The following SEMA3D variants were observed in gnomAD, a reference collection of about 807,000 sequenced individuals.
The protein encoded by SEMA3D is semaphorin-3D.
In SEMA3D, 84 loss-of-function variants were observed where a neutral mutation model predicts 100.1. The ratio of observed to expected loss-of-function variants is 0.84; its 90% CI spans 0.70 to 1.01. The LOEUF is 1.01. Among genes scored for constraint, SEMA3D ranks in the 50% least tolerant of loss-of-function variants. The probability of loss-of-function intolerance (pLI) is 0.00; values close to 1 mark genes in which losing one functional copy is unlikely to be tolerated. For missense variants in SEMA3D, 875 were observed against 934.1 expected (o/e 0.94, Z 0.82); for synonymous variants, 312 against 320.7 (o/e 0.97, Z 0.29).
intron 1 of SEMA3D, among the ~76,000 whole-genome samples, chr7:85,174,391 G>A (rs1005518150): frequency 6.6e-6 from 1 of 152,024 alleles, no homozygotes; most frequent in Non-Finnish European, 1.5e-5. Flanking sequence ...GGCTTCAAGA[G>A]CAATATAAAT....
At chr7:85,208,473 T>C in the SEMA3D span, among the ~76,000 whole-genome samples, 1 of 152,172 alleles carries the variant, frequency 6.6e-6, no homozygotes, top group South Asian at 2.1e-4. Context: ...TTAAATACTT[T>C]AATTTTTTTC....
intron 1 of SEMA3D, among the ~76,000 whole-genome samples, chr7:85,155,500 CTT>C (rs1042456589): frequency 6.6e-6 from 1 of 152,006 alleles, no homozygotes; most frequent in African/African-American, 2.4e-5. Context: ...CATACTGAAA[CTT>C]AATGTATTTC....
the SEMA3D span, among the ~76,000 whole-genome samples, chr7:85,229,223 A>C: frequency 6.6e-6 from 1 of 152,072 alleles, no homozygotes; most frequent in African/African-American, 2.4e-5. Context: ...TCAGAAGATA[A>C]ACAACTTCAA....
In SEMA3D at chr7:85,015,110, T is replaced by G. The variant is rs762070865; in HGVS notation, c.1652A>C (p.Tyr551Ser). ...GCATGCATTTCCATCCCAGGCACAG[T>G]AGGGGTCTCTGGCAAGACAACAGTC... The part of the protein sequence containing the change: ...CADCCLARDP[Y>S]CAWDGNACSR... The change falls in exon 16 of 19, where the codon TAC becomes TCC. Residue 551 changes from tyrosine (Y) to serine (S), a missense_variant. By Grantham distance (144) the Tyr-to-Ser change is moderately radical (BLOSUM62 -2). Coordinates refer to ENST00000284136, the MANE Select transcript of SEMA3D (RefSeq NM_001384900.1). 6.2e-7 allele frequency: 1 copy of G among 1,611,790 alleles called. No homozygotes were observed. Among genetic ancestry groups the G allele is most frequent in the Admixed American group, 1.7e-5 (1 of 59,810 alleles).
intron 4 of SEMA3D, among the ~76,000 whole-genome samples, chr7:85,087,563 TTTTAA>T (rs1583909930): frequency 1.3e-5 from 2 of 152,136 alleles, no homozygotes; most frequent in African/African-American, 4.8e-5. Context: ...TGCAAATTGG[TTTTAA>T]TTTGAGTGCT....
At chr7:85,093,342 T>C (rs1463938864) in intron 4 of SEMA3D, among the ~76,000 whole-genome samples, 2 of 151,976 alleles carry the variant, frequency 1.3e-5, no homozygotes, top group East Asian at 3.9e-4. Flanking sequence ...AGAGAGGGTT[T>C]TGCAAAGTTT....
chr7:85,208,312 CAG>C, the SEMA3D span, among the ~76,000 whole-genome samples: 2 of 151,714 alleles, frequency 1.3e-5, no homozygotes, highest in Non-Finnish European at 2.9e-5. Context: ...CAGCAACAAA[CAG>C]ATATAATATT....
chr7:85,026,749 G>A (rs750520806), intron 12 of SEMA3D, among the ~76,000 whole-genome samples: 1 of 151,962 alleles, frequency 6.6e-6, no homozygotes, highest in African/African-American at 2.4e-5. Flanking sequence ...AATGTATGAG[G>A]TTAAGAAATA....
At chr7:85,009,408 A>G (rs1038058276) in intron 17 of SEMA3D, among the ~76,000 whole-genome samples, 1 of 151,718 alleles carries the variant, frequency 6.6e-6, no homozygotes, top group Non-Finnish European at 1.5e-5. Context: ...ATCTTTGCCC[A>G]TTATTCAAGA....
intron 4 of SEMA3D, among the ~76,000 whole-genome samples, chr7:85,082,914 G>A (rs1388956628): frequency 1.3e-5 from 2 of 152,126 alleles, no homozygotes; most frequent in Non-Finnish European, 2.9e-5. Context: ...ACCTTGATAA[G>A]GTACACAATG....
At chr7:85,248,106 T>A in the SEMA3D span, among the ~76,000 whole-genome samples, 1 of 151,876 alleles carries the variant, frequency 6.6e-6, no homozygotes, top group East Asian at 1.9e-4. Flanking sequence ...CTGAAATATG[T>A]GAAGAACTCT....
At chr7:85,153,142 C>G (rs749657788) in intron 2 of SEMA3D, among the ~76,000 whole-genome samples, 14 of 152,108 alleles carry the variant, frequency 9.2e-5, no homozygotes, top group Non-Finnish European at 1.3e-4. Context: ...TACAAAAAGA[C>G]TGCCTTTGGT....
intron 9 of SEMA3D, among the ~76,000 whole-genome samples, chr7:85,053,726 A>C (rs1319497772): frequency 1.3e-5 from 2 of 152,076 alleles, no homozygotes; most frequent in African/African-American, 4.8e-5. Context: ...CCAATGGATC[A>C]TATGTATAGT....
intron 3 of SEMA3D, 123 bp from the exon 4 acceptor site, chr7:85,098,088 G>C: frequency 3.5e-6 from 2 of 565,106 alleles, no homozygotes; most frequent in Non-Finnish European, 5.7e-6. Flanking sequence ...AAGAAAGAAA[G>C]AAAAAAGAAA....
At chr7:85,048,522 T>C (rs932063509) in intron 9 of SEMA3D, among the ~76,000 whole-genome samples, 1 of 151,828 alleles carries the variant, frequency 6.6e-6, no homozygotes, top group Non-Finnish European at 1.5e-5. Flanking sequence ...ATTACTATAT[T>C]GTGAAGATCT....
At chr7:85,211,327 G>A in the SEMA3D span, among the ~76,000 whole-genome samples, 4 of 151,968 alleles carry the variant, frequency 2.6e-5, no homozygotes, top group Middle Eastern at 3.2e-3. Flanking sequence ...TTTCCACATT[G>A]AGTTCCCAGT....
chr7:85,194,705 A>T, the SEMA3D span, among the ~76,000 whole-genome samples: 5 of 152,168 alleles, frequency 3.3e-5, no homozygotes, highest in Non-Finnish European at 7.4e-5. Context: ...AATAACTAAC[A>T]CAGAGCAGGT....
chr7:85,033,595 A>G (rs1790605719), intron 12 of SEMA3D, among the ~76,000 whole-genome samples: 1 of 152,102 alleles, frequency 6.6e-6, no homozygotes, highest in African/African-American at 2.4e-5. Flanking sequence ...TATGCAAATA[A>G]TTTGTTGTTG....
the SEMA3D span, among the ~76,000 whole-genome samples, chr7:85,195,281 G>A: frequency 2.6e-5 from 4 of 152,020 alleles, no homozygotes; most frequent in Admixed American, 2.0e-4. Context: ...CCTTGCTTCT[G>A]GGCCTCTGTA....
Sources: allele counts gnomAD v4.1 joint callset (sites outside exome capture counted in the v4.1 genomes callset), GRCh38; gene constraint gnomAD v4.1.1; transcripts MANE v1.5; gene names NCBI Gene and HGNC (gene_info 2026-07-23, HGNC 2026-07-21).